TTC34: variants seen among roughly 807,000 people sequenced by gnomAD.
The protein encoded by TTC34 is tetratricopeptide repeat protein 34.
TTC34 carries 44 observed loss-of-function variants against 40.7 expected under a neutral mutation model. The ratio of observed to expected loss-of-function variants is 1.08; its 90% CI spans 0.85 to 1.39. The LOEUF is 1.39. Among genes scored for constraint, TTC34 ranks in the 40% most tolerant of loss-of-function variants. The pLI is 0.00. For missense variants in TTC34, 884 were observed against 838.0 expected, an observed-to-expected ratio of 1.05 and a Z score of -0.68; for synonymous variants, 422 against 398.6, an observed-to-expected ratio of 1.06 and a Z score of -0.70.
chr1:2,759,485 G>GCT (rs1641620304), intron 6 of TTC34, among the ~76,000 whole-genome samples: 1 of 130,350 alleles, frequency 7.7e-6, no homozygotes. Context: ...ACACCCCCAG[G>GCT]TGAGCATCGG....
At chr1:2,753,391 T>C (rs1266911836) in intron 6 of TTC34, among the ~76,000 whole-genome samples, 4 of 97,998 alleles carry the variant, frequency 4.1e-5, no homozygotes, top group African/African-American at 1.3e-4. Context: ...GGCGAGCATC[T>C]GACAGCATGT....
chr1:2,672,814 A>AG, intron 6 of TTC34, among the ~76,000 whole-genome samples: 1 of 71,676 alleles, frequency 1.4e-5, no homozygotes, highest in Non-Finnish European at 3.7e-5. Flanking sequence ...GCATCTGAAC[A>AG]CACGGAGCAG....
intron 6 of TTC34, among the ~76,000 whole-genome samples, chr1:2,686,627 T>C (rs539046621): frequency 1.5e-4 from 5 of 32,398 alleles, no homozygotes; most frequent in South Asian, 1.0e-3. Flanking sequence ...TGACAGCATG[T>C]AACAGCACCC....
intron 6 of TTC34, among the ~76,000 whole-genome samples, chr1:2,657,409 C>T (rs539184773): frequency 4.9e-4 from 45 of 91,350 alleles, no homozygotes; most frequent in African/African-American, 1.2e-3. Flanking sequence ...CCTCCCGGAG[C>T]AGTACCAGTA....
chr1:2,646,191 C>A (rs1052551585), intron 6 of TTC34, among the ~76,000 whole-genome samples: 2 of 152,154 alleles, frequency 1.3e-5, no homozygotes, highest in Admixed American at 6.5e-5. Flanking sequence ...CAATACGTAG[C>A]CTTACAGCTA....
chr1:2,785,797 G>A, intron 5 of TTC34, 22 bp downstream of exon 5: 1 of 1,539,982 alleles, frequency 6.5e-7, no homozygotes, highest in Non-Finnish European at 8.8e-7. Flanking sequence ...CTGGGCCCTG[G>A]GGGCAGGTGG....
Position 2,752,550 on chromosome 1 carries a change from CA to C in TTC34, c.2226+31058del, listed in dbSNP as rs1187597796. 3.9e-5 allele frequency among the ~76,000 whole-genome samples: 3 copies of C among 77,636 alleles called. No individual in the cohort carries two copies. In the Admixed American group the frequency reaches 4.9e-4, roughly 13 times the overall value. 50.9% of individuals were successfully genotyped at this position (77,636 alleles called of 152,430 possible). On this transcript the variant is annotated intron_variant, in intron 6 of 8. Transcript: ENST00000401095. ...CCCACATCCCCAGGTGAGCATCTGA[CA>C]GCCTGGAACAGCACCTTGCACCCCC...
chr1:2,693,812 G>C (rs1640736672), intron 6 of TTC34, among the ~76,000 whole-genome samples: 1 of 128,812 alleles, frequency 7.8e-6, no homozygotes, highest in East Asian at 2.4e-4. Context: ...TGATGGTCTG[G>C]AGCAGCACCC....
intron 6 of TTC34, among the ~76,000 whole-genome samples, chr1:2,768,270 G>T (rs1238199140): frequency 1.3e-5 from 2 of 152,056 alleles, no homozygotes; most frequent in Non-Finnish European, 2.9e-5. Context: ...TCCTCACCTG[G>T]GGATGGAAGG....
At chr1:2,674,951 G>A (rs1170290221) in intron 6 of TTC34, among the ~76,000 whole-genome samples, 1 of 128,120 alleles carries the variant, frequency 7.8e-6, no homozygotes, top group Non-Finnish European at 1.7e-5. Context: ...ACAGGGAGCA[G>A]CACCCATAGC....
At chr1:2,687,392 A>G (rs1236434716) in intron 6 of TTC34, among the ~76,000 whole-genome samples, 11 of 135,526 alleles carry the variant, frequency 8.1e-5, no homozygotes, top group African/African-American at 2.5e-4. Context: ...GACAGCCTGG[A>G]ACGGCACCCA....
At chr1:2,756,227 A>C (rs1171347001) in intron 6 of TTC34, among the ~76,000 whole-genome samples, 144 of 26,488 alleles carry the variant, frequency 5.4e-3, no homozygotes, top group Middle Eastern at 0.023. Flanking sequence ...GCACCCACAC[A>C]CCCAGGCGAG....
chr1:2,787,494 TAGA>T lies in TTC34; in HGVS notation c.1838_1840del (p.Phe613del), dbSNP rs927954363. ...AGGCCTCCTCACCTGGTTGGCGTCA[TAGA>T]AGAAGCCCCTCCTCAGCTGCAGCAG... On this transcript the variant is annotated inframe_deletion, in exon 4 of 9. Transcript: ENST00000401095. 9 of 1,490,858 alleles carry T rather than the reference TAGA, an allele frequency of 6.0e-6. No individual in the cohort carries two copies. The Admixed American group carries it at 1.8e-4, about 31-fold the overall frequency. 92.4% of individuals were successfully genotyped at this position (1,490,858 alleles called of 1,614,324 possible).
intron 5 of TTC34, among the ~76,000 whole-genome samples, chr1:2,784,936 C>T (rs573999933): frequency 5.6e-5 from 8 of 142,080 alleles, no homozygotes; most frequent in East Asian, 4.2e-4. Context: ...TGTTCTGTGA[C>T]GGACATGGGA....
intron 6 of TTC34, among the ~76,000 whole-genome samples, chr1:2,777,949 A>G (rs6424062): frequency 0.65 from 99,383 of 152,114 alleles, 33,666 homozygotes; most frequent in African/African-American, 0.85. Flanking sequence ...TTAAATGGGC[A>G]TGTCCCTGGC....
chr1:2,755,939 CT>C (rs1368246854), intron 6 of TTC34, among the ~76,000 whole-genome samples: 4 of 79,466 alleles, frequency 5.0e-5, no homozygotes, highest in East Asian at 3.9e-4. Flanking sequence ...GAGCAGCACC[CT>C]GCACCCCCAG....
intron 2 of TTC34, among the ~76,000 whole-genome samples, chr1:2,799,543 CA>C (rs915116071): frequency 3.6e-4 from 53 of 146,534 alleles, no homozygotes; most frequent in African/African-American, 5.7e-4. Flanking sequence ...AACTCCATCT[CA>C]AAAAAAAAAA....
At chr1:2,641,173 C>CTGTGGGGAGGGTTGGGAAGGGGGGT in exon 9 of TTC34, 2 of 314,118 alleles carry the variant, frequency 6.4e-6, no homozygotes, top group Non-Finnish European at 1.0e-5. Flanking sequence ...GGAAGGGGGG[C>CTGTGGGGAGGGTTGGGAAGGGGGGT]TGTGGGGAGG....
At chr1:2,752,454 C>T (rs1343973532) in intron 6 of TTC34, among the ~76,000 whole-genome samples, 13 of 116,674 alleles carry the variant, frequency 1.1e-4, no homozygotes, top group South Asian at 3.1e-4. Context: ...CCCTGCACCC[C>T]CAGGTGCGCA....
Sources: gnomAD v4.1 joint callset for allele counts (sites outside exome capture counted in the v4.1 genomes callset) on GRCh38, gnomAD v4.1.1 for gene constraint, MANE v1.5 for transcripts, NCBI Gene and HGNC (gene_info 2026-07-23, HGNC 2026-07-21) for gene names.